Variants in SEMA3E observed in about 807,000 individuals in gnomAD.
SEMA3E encodes the protein semaphorin-3E.
SEMA3E carries 49 observed loss-of-function variants against 93.6 expected under a neutral mutation model. The observed-to-expected ratio is 0.52, with a 90% CI of 0.42 to 0.66. SEMA3E has a LOEUF of 0.66. Among genes scored for constraint, SEMA3E ranks in the 30% least tolerant of loss-of-function variants. The probability of loss-of-function intolerance (pLI) is 0.00; values close to 1 mark genes in which losing one functional copy is unlikely to be tolerated. For synonymous variants in SEMA3E, 363 were observed against 330.7 expected, an observed-to-expected ratio of 1.10 and a Z score of -1.06; for missense variants, 906 against 964.8, an observed-to-expected ratio of 0.94 and a Z score of 0.81.
intron 1 of SEMA3E, among the ~76,000 whole-genome samples, chr7:83,584,761 C>T (rs1792586232): frequency 6.6e-6 from 1 of 152,064 alleles, no homozygotes; most frequent in Admixed American, 6.6e-5. Context: ...ATGAGTCAAG[C>T]CATTATTTAA....
At position 83,367,892 on chromosome 7, in the gene SEMA3E, T is replaced by C; in HGVS notation, c.2022A>G (p.Glu674=). The C allele has an allele frequency of 6.2e-7, 1 of 1,610,732 alleles. No individual in the cohort carries two copies. Among genetic ancestry groups the C allele is most frequent in the Non-Finnish European group, 8.5e-7 (1 of 1,177,758 alleles). ...TAAACATATCCTCGACTTTCTCCTCTTCCACTACCTCCAAGGTGATTTTAC... is the reference window on the plus strand; with the variant it reads ...TAAACATATCCTCGACTTTCTCCTCCTCCACTACCTCCAAGGTGATTTTAC... The part of the protein sequence containing the change: ...TVRKITLEVV[E]EEKVEDMFNK... Residue 674 remains glutamate (E), a synonymous_variant, in exon 17 of 17, where the codon GAA becomes GAG. Transcript: ENST00000643230.
At chr7:83,628,181 T>A (rs1157217430) in intron 1 of SEMA3E, among the ~76,000 whole-genome samples, 1 of 152,170 alleles carries the variant, frequency 6.6e-6, no homozygotes, top group African/African-American at 2.4e-5. Flanking sequence ...TCTGCAGAGA[T>A]CTGCTGTTAG....
At position 83,446,768 on chromosome 7, in the gene SEMA3E, A is replaced by G. The variant is rs114116504; in HGVS notation, c.456+19714T>C. On this transcript the variant is annotated intron_variant, in intron 4 of 16. Coordinates refer to ENST00000643230, the MANE Select transcript of SEMA3E (RefSeq NM_012431.3). ...ACCATGAAGCTCAAGTTCTTCCAGTACTGTATAATAGCATTAAGAAGTGAC... is the reference window on the plus strand; with the variant it reads ...ACCATGAAGCTCAAGTTCTTCCAGTGCTGTATAATAGCATTAAGAAGTGAC... Among the ~76,000 whole-genome samples, 422 of 152,326 alleles carry G rather than the reference A, an allele frequency of 2.8e-3. 2 individuals carry two copies. Among genetic ancestry groups the G allele is most frequent in the African/African-American group, 8.4e-3 (351 of 41,582 alleles).
intron 2 of SEMA3E, among the ~76,000 whole-genome samples, chr7:83,481,670 T>C (rs1317248702): frequency 2.0e-5 from 3 of 152,136 alleles, no homozygotes; most frequent in African/African-American, 4.8e-5. Flanking sequence ...GTTATATACG[T>C]GCAACAGAGC....
At chr7:83,467,028 G>A (rs191070097) in intron 3 of SEMA3E, among the ~76,000 whole-genome samples, 6 of 148,530 alleles carry the variant, frequency 4.0e-5, no homozygotes, top group African/African-American at 7.4e-5. Context: ...ATTTGAAAAA[G>A]CATAGTTATT....
rs1791461065 is a variant in SEMA3E at position 83,538,804 on chromosome 7, TTTCATC to T, written c.116-48536_116-48531del. Among the ~76,000 whole-genome samples, 5 of 152,300 alleles carry T rather than the reference TTTCATC, an allele frequency of 3.3e-5. No homozygotes were observed. In the South Asian group the frequency reaches 1.0e-3, roughly 32 times the overall value. The stretch of plus-strand genomic sequence containing the variant: ...GTCTCCTCTCAATATATTTTAAAAA[TTTCATC>T]TTCTTGAATAAACCTTTTCAGGAGC... On this transcript the variant is annotated intron_variant, in intron 1 of 16. Coordinates refer to ENST00000643230, the MANE Select transcript of SEMA3E (RefSeq NM_012431.3).
intron 16 of SEMA3E, among the ~76,000 whole-genome samples, chr7:83,368,740 G>T (rs1420200863): frequency 6.6e-6 from 1 of 152,094 alleles, no homozygotes; most frequent in Admixed American, 6.6e-5. Flanking sequence ...TCATGTATTT[G>T]ATATAATACT....
chr7:83,437,303 G>C (rs1789024417), intron 4 of SEMA3E, among the ~76,000 whole-genome samples: 1 of 151,874 alleles, frequency 6.6e-6, no homozygotes, highest in African/African-American at 2.4e-5. Flanking sequence ...ATTTCAGATT[G>C]ATCAACAATC....
intron 2 of SEMA3E, 95 bp from the exon 3 acceptor site, chr7:83,469,397 C>A: frequency 3.5e-6 from 2 of 576,250 alleles, no homozygotes; most frequent in Non-Finnish European, 5.4e-6. Context: ...CAAAACATTT[C>A]CTTTTTTTTT....
intron 1 of SEMA3E, among the ~76,000 whole-genome samples, chr7:83,534,661 T>C (rs1791377204): frequency 6.6e-6 from 1 of 152,206 alleles, no homozygotes; most frequent in African/African-American, 2.4e-5. Context: ...CACTTGTTTC[T>C]ATAAATAAAG....
chr7:83,457,899 A>C (rs2115844547), intron 4 of SEMA3E, among the ~76,000 whole-genome samples: 1 of 152,280 alleles, frequency 6.6e-6, no homozygotes, highest in Admixed American at 6.5e-5. Context: ...TTAGCTGCTT[A>C]ATCAAAGTAT....
chr7:83,533,161 T>C (rs1267670115), intron 1 of SEMA3E, among the ~76,000 whole-genome samples: 1 of 152,158 alleles, frequency 6.6e-6, no homozygotes, highest in East Asian at 1.9e-4. Context: ...TAGGGTATCA[T>C]GTGCAGTCCC....
At chr7:83,639,853 G>A (rs572896034) in intron 1 of SEMA3E, among the ~76,000 whole-genome samples, 263 of 151,892 alleles carry the variant, frequency 1.7e-3, no homozygotes, top group African/African-American at 6.2e-3. Flanking sequence ...ACAAGTTTCA[G>A]AAGTGTTTTG....
chr7:83,402,739 T>A lies in SEMA3E; in HGVS notation c.1036A>T (p.Met346Leu). The change falls in exon 10 of 17, where the codon ATG (methionine) becomes TTG (leucine). Residue 346 changes from methionine (M) to leucine (L), a missense_variant. Coordinates refer to ENST00000643230, the MANE Select transcript of SEMA3E (RefSeq NM_012431.3). ...TTGAAGGCTGCCCGAATGCTAGACA[T>A]GTGATAGACACATATAGCATGCCCT... ...FRGHAICVYHMSSIRAAFNGP... is the reference protein window; with the variant it reads ...FRGHAICVYHLSSIRAAFNGP... 6.2e-7 allele frequency: 1 copy of A among 1,612,916 alleles called. No individual in the cohort carries two copies. The highest frequency in any genetic ancestry group is 8.5e-7 in the Non-Finnish European group (1 of 1,179,180).
rs1788749419 is a variant in SEMA3E, at chr7:83,425,372, T to C, written c.457-6889A>G. 3.3e-5 allele frequency among the ~76,000 whole-genome samples: 5 copies of C among 152,168 alleles called. No individual in the cohort carries two copies. The South Asian group carries it at 1.0e-3, about 32-fold the overall frequency. Reference sequence around the variant, plus strand: ...ATTTTTAGTGTTCCTTTCTTCAATATTTGACACTGTTACCTGCTTTCTGGC... The same window carrying C: ...ATTTTTAGTGTTCCTTTCTTCAATACTTGACACTGTTACCTGCTTTCTGGC... On this transcript the variant is annotated intron_variant, in intron 4 of 16. Transcript: ENST00000643230.
At chr7:83,617,361 T>C (rs2115610868) in intron 1 of SEMA3E, among the ~76,000 whole-genome samples, 2 of 149,430 alleles carry the variant, frequency 1.3e-5, no homozygotes, top group Middle Eastern at 7.1e-3. Context: ...CTTAATCATG[T>C]CACAGAGTAT....
In SEMA3E at chr7:83,405,853, C is replaced by T. The variant is rs185073693; in HGVS notation, c.928+92G>A. On this transcript the variant is annotated intron_variant, in intron 8 of 16. Coordinates refer to ENST00000643230, the MANE Select transcript of SEMA3E (RefSeq NM_012431.3). Reference sequence around the variant, plus strand: ...CTCTATGTTAGATAGAGGTCAAATACACAGAAAGCAAGTTTCTATGTGTCC... The same window carrying T: ...CTCTATGTTAGATAGAGGTCAAATATACAGAAAGCAAGTTTCTATGTGTCC... The T allele has an allele frequency of 4.9e-6, 5 of 1,013,944 alleles. No homozygotes were observed. The East Asian group carries it at 1.2e-4, about 25-fold the overall frequency. The allele number at this position is 1,013,944 out of a possible 1,614,324, so 62.8% of individuals were successfully genotyped here.
intron 4 of SEMA3E, among the ~76,000 whole-genome samples, chr7:83,463,023 C>T (rs558336873): frequency 4.2e-5 from 6 of 144,556 alleles, no homozygotes; most frequent in African/African-American, 7.4e-5. Context: ...GCTGTACTGC[C>T]GCAAAGCTTC....
intron 1 of SEMA3E, among the ~76,000 whole-genome samples, chr7:83,589,786 C>T (rs933805531): frequency 6.6e-6 from 1 of 151,978 alleles, no homozygotes; most frequent in Non-Finnish European, 1.5e-5. Context: ...CTTCAAGTGC[C>T]CAATAGCCAC....
Sources: allele counts gnomAD v4.1 joint callset (sites outside exome capture counted in the v4.1 genomes callset), GRCh38; gene constraint gnomAD v4.1.1; transcripts MANE v1.5; gene names NCBI Gene and HGNC (gene_info 2026-07-23, HGNC 2026-07-21).